The following GLIS3 variants were observed in gnomAD, a reference collection of about 807,000 sequenced individuals.
The protein encoded by GLIS3 is GLIS family zinc finger 3.
Under a neutral mutation model 78.6 loss-of-function variants are expected in GLIS3, and 53 were observed. That is an observed-to-expected ratio of 0.67 (90% CI 0.54 to 0.85). The LOEUF (loss-of-function observed/expected upper bound fraction) is 0.85, where lower values mean the gene tolerates loss of function less well. Among genes scored for constraint, GLIS3 ranks in the 40% least tolerant of loss-of-function variants. The pLI, the probability that GLIS3 is intolerant of heterozygous loss-of-function variation, is 0.00. For synonymous variants in GLIS3, 684 were observed against 509.9 expected, an observed-to-expected ratio of 1.34 and a Z score of -4.60; for missense variants, 1,703 against 1,231.1, an observed-to-expected ratio of 1.38 and a Z score of -5.74.
chr9:4,294,506 T>A (rs535608071), intron 1 of GLIS3, among the ~76,000 whole-genome samples: 4 of 147,420 alleles, frequency 2.7e-5, no homozygotes, highest in Non-Finnish European at 6.0e-5. Flanking sequence ...CGAAATTATG[T>A]CTCAAAAAAA....
At chr9:3,951,841 A>C (rs1474689413) in intron 4 of GLIS3, among the ~76,000 whole-genome samples, 2 of 130,522 alleles carry the variant, frequency 1.5e-5, no homozygotes, top group African/African-American at 5.9e-5. Context: ...AATAAGCATG[A>C]ACACACACAC....
intron 4 of GLIS3, among the ~76,000 whole-genome samples, chr9:4,008,445 C>A (rs1398620003): frequency 7.2e-5 from 11 of 152,142 alleles, no homozygotes; most frequent in African/African-American, 2.7e-4. Flanking sequence ...TCAAAATGCT[C>A]CCAGTGTACA....
chr9:4,269,344 G>A (rs1826297585), intron 2 of GLIS3, among the ~76,000 whole-genome samples: 1 of 151,930 alleles, frequency 6.6e-6, no homozygotes, highest in Non-Finnish European at 1.5e-5. Flanking sequence ...CACCAGTCTT[G>A]ATCTGCGCTT....
At chr9:4,165,052 C>T (rs1835773014) in intron 2 of GLIS3, among the ~76,000 whole-genome samples, 1 of 152,098 alleles carries the variant, frequency 6.6e-6, no homozygotes, top group South Asian at 2.1e-4. Flanking sequence ...GTGTTTCATC[C>T]ACACTGTGAG....
chr9:4,336,045 T>C (rs1295733713), intron 2 of GLIS3, among the ~76,000 whole-genome samples: 1 of 152,156 alleles, frequency 6.6e-6, no homozygotes, highest in Non-Finnish European at 1.5e-5. Flanking sequence ...CTTGAGTAAG[T>C]CATTACACCT....
chr9:4,123,128 A>G (rs1301239844), intron 3 of GLIS3, among the ~76,000 whole-genome samples: 1 of 152,212 alleles, frequency 6.6e-6, no homozygotes, highest in Non-Finnish European at 1.5e-5. Context: ...CAAACAGCCA[A>G]TAAATCTATG....
chr9:4,445,955 T>C, the GLIS3 span, among the ~76,000 whole-genome samples: 1 of 152,338 alleles, frequency 6.6e-6, no homozygotes, highest in East Asian at 1.9e-4. Flanking sequence ...AGGCCCAGGA[T>C]TGCCAGACTT....
At chr9:3,957,554 C>A (rs190744205) in intron 4 of GLIS3, among the ~76,000 whole-genome samples, 101 of 152,266 alleles carry the variant, frequency 6.6e-4, no homozygotes, top group Non-Finnish European at 1.2e-3. Context: ...CAGGGCAGTA[C>A]TGACATAGAA....
At chr9:4,075,000 T>A (rs1018883491) in intron 4 of GLIS3, among the ~76,000 whole-genome samples, 5 of 152,158 alleles carry the variant, frequency 3.3e-5, no homozygotes, top group Non-Finnish European at 7.3e-5. Flanking sequence ...GATCTCATGA[T>A]GAAGACAACA....
At chr9:4,065,824 C>G (rs1365946950) in intron 4 of GLIS3, among the ~76,000 whole-genome samples, 1 of 151,944 alleles carries the variant, frequency 6.6e-6, no homozygotes, top group East Asian at 1.9e-4. Flanking sequence ...TATTTTAGCC[C>G]TGAGATGATA....
upstream of GLIS3, among the ~76,000 whole-genome samples, chr9:4,352,737 G>A (rs998789329): frequency 3.9e-5 from 6 of 152,238 alleles, no homozygotes; most frequent in Non-Finnish European, 8.8e-5. Context: ...CCTTTGTGCT[G>A]CTGGCTCTTG....
the GLIS3 span, among the ~76,000 whole-genome samples, chr9:4,391,910 A>T: frequency 5.5e-3 from 843 of 152,342 alleles, 14 homozygotes; most frequent in African/African-American, 0.019. Context: ...GTATATACCC[A>T]AAGGAATATA....
chr9:4,045,888 C>T (rs914761594), intron 4 of GLIS3, among the ~76,000 whole-genome samples: 1 of 152,134 alleles, frequency 6.6e-6, no homozygotes, highest in African/African-American at 2.4e-5. Flanking sequence ...GTCATTCATA[C>T]TTTTAAACTG....
At chr9:3,980,545 G>A (rs1391317636) in intron 4 of GLIS3, among the ~76,000 whole-genome samples, 4 of 152,194 alleles carry the variant, frequency 2.6e-5, no homozygotes, top group Admixed American at 6.5e-5. Context: ...CTTGCTGTGT[G>A]TTTAGACACC....
At chr9:4,040,794 G>C (rs1055695902) in intron 4 of GLIS3, among the ~76,000 whole-genome samples, 5 of 152,180 alleles carry the variant, frequency 3.3e-5, no homozygotes, top group Admixed American at 3.3e-4. Context: ...TCTTCAAGTG[G>C]TGCTGTCAAC....
At chr9:4,247,163 A>G (rs901603171) in intron 2 of GLIS3, among the ~76,000 whole-genome samples, 6 of 152,102 alleles carry the variant, frequency 3.9e-5, no homozygotes, top group Non-Finnish European at 5.9e-5. Context: ...ATTCGTAAGT[A>G]TCTCAAGTCT....
the GLIS3 span, among the ~76,000 whole-genome samples, chr9:4,483,453 C>T: frequency 6.6e-6 from 1 of 152,060 alleles, no homozygotes; most frequent in African/African-American, 2.4e-5. Flanking sequence ...GGTGCGGTGG[C>T]TCACGCCTGT....
intron 9 of GLIS3, among the ~76,000 whole-genome samples, chr9:3,847,011 G>C (rs980594495): frequency 6.6e-6 from 1 of 152,016 alleles, no homozygotes; most frequent in South Asian, 2.1e-4. Context: ...TGGCAAAACG[G>C]TGTCTCTACT....
the GLIS3 span, among the ~76,000 whole-genome samples, chr9:4,476,191 A>G: frequency 2.0e-5 from 3 of 152,274 alleles, no homozygotes; most frequent in Non-Finnish European, 2.9e-5. Context: ...TCATATTCAT[A>G]CAATGAATAT....
Sources: allele counts gnomAD v4.1 joint callset (sites outside exome capture counted in the v4.1 genomes callset), GRCh38; gene constraint gnomAD v4.1.1; transcripts MANE v1.5; gene names NCBI Gene and HGNC (gene_info 2026-07-23, HGNC 2026-07-21).